The following SNX29 variants were observed in gnomAD, a reference collection of about 807,000 sequenced individuals.
SNX29 encodes sorting nexin 29, also known as sorting nexin-29.
SNX29 carries 78 observed loss-of-function variants against 102.1 expected under a neutral mutation model. The observed-to-expected ratio is 0.76, with a 90% confidence interval of 0.64 to 0.92. SNX29 has a LOEUF of 0.92. Ranked by LOEUF, SNX29 falls within the 40% of genes least tolerant of loss-of-function variation. SNX29 has a pLI of 0.00. For missense variants in SNX29, 1,280 were observed against 1,061.7 expected, an observed-to-expected ratio of 1.21 and a Z score of -2.86; for synonymous variants, 580 against 414.5, an observed-to-expected ratio of 1.40 and a Z score of -4.85.
intron 11 of SNX29, among the ~76,000 whole-genome samples, chr16:12,099,702 A>G (rs1196272670): frequency 6.6e-6 from 1 of 152,138 alleles, no homozygotes; most frequent in Non-Finnish European, 1.5e-5. Flanking sequence ...GACTTGCACC[A>G]GCCTGCTGTG....
intron 20 of SNX29, among the ~76,000 whole-genome samples, chr16:12,562,274 C>A (rs1598071807): frequency 6.6e-6 from 1 of 152,166 alleles, no homozygotes; most frequent in Admixed American, 6.5e-5. Context: ...CCCCATGGGC[C>A]ACGCTCTATC....
intron 13 of SNX29, 70 bp from the exon 14 acceptor site, chr16:12,199,531 C>A: frequency 2.2e-6 from 3 of 1,363,558 alleles, no homozygotes; most frequent in Admixed American, 2.0e-5. Flanking sequence ...CCACCCACCC[C>A]TGCCCCCTCC....
intron 20 of SNX29, among the ~76,000 whole-genome samples, chr16:12,544,702 C>CA (rs1355838202): frequency 3.9e-5 from 6 of 152,204 alleles, no homozygotes; most frequent in African/African-American, 1.4e-4. Context: ...TCTCTTCCTC[C>CA]ACCATCCCTT....
Position 12,180,731 on chromosome 16 carries a change from G to A in SNX29, c.1596-18870G>A, listed in dbSNP as rs2076364964. ...CGATCTCTTGACCTCATGATCCACC[G>A]GCCTCGGCCTCCCAAAGTGCTGGGA... On this transcript the variant is annotated intron_variant, in intron 13 of 20. Coordinates refer to ENST00000566228, the MANE Select transcript of SNX29 (RefSeq NM_032167.5). Among the ~76,000 whole-genome samples, 11 of 151,990 alleles carry A rather than the reference G, an allele frequency of 7.2e-5. 1 individual carries two copies. The highest frequency in any genetic ancestry group is 6.6e-4 in the Admixed American group (10 of 15,262).
chr16:12,549,093 G>C (rs1250809204), intron 20 of SNX29, among the ~76,000 whole-genome samples: 1 of 152,222 alleles, frequency 6.6e-6, no homozygotes, highest in African/African-American at 2.4e-5. Flanking sequence ...CCCTGTTACA[G>C]TGTCATTTCT....
intron 17 of SNX29, among the ~76,000 whole-genome samples, chr16:12,399,026 G>T (rs1285636011): frequency 3.3e-5 from 5 of 152,088 alleles, no homozygotes; most frequent in Non-Finnish European, 7.3e-5. Context: ...CCTCTGCTGA[G>T]CCACCCATAG....
intron 20 of SNX29, among the ~76,000 whole-genome samples, chr16:12,536,525 C>A (rs890779722): frequency 2.0e-5 from 3 of 152,136 alleles, no homozygotes; most frequent in Non-Finnish European, 2.9e-5. Flanking sequence ...CTCTATTTTC[C>A]CCTCTGTAAA....
chr16:12,321,127 C>T (rs2080917678), intron 15 of SNX29, among the ~76,000 whole-genome samples: 1 of 152,114 alleles, frequency 6.6e-6, no homozygotes, highest in African/African-American at 2.4e-5. Context: ...CCATGACTTC[C>T]AGAGTGTCCC....
At chr16:12,386,783 C>CA (rs1158765271) in intron 16 of SNX29, among the ~76,000 whole-genome samples, 21 of 151,944 alleles carry the variant, frequency 1.4e-4, no homozygotes, top group Non-Finnish European at 2.5e-4. Flanking sequence ...AAAAATTAAA[C>CA]AAAAAAAGGC....
chr16:12,463,817 AGTGTGTGTGTGTGTGTGTGTGT>A (rs143006476), intron 18 of SNX29, among the ~76,000 whole-genome samples: 1 of 143,270 alleles, frequency 7.0e-6, no homozygotes, highest in Non-Finnish European at 1.5e-5. Context: ...TCCCGAAGTG[AGTGTGTGTGTGTGTGTGTGTGT>A]GTGTGTGTGT....
At chr16:12,310,426 A>G (rs1175038823) in intron 15 of SNX29, among the ~76,000 whole-genome samples, 2 of 152,208 alleles carry the variant, frequency 1.3e-5, no homozygotes, top group East Asian at 1.9e-4. Flanking sequence ...GGCCATTGGC[A>G]GTGAAAAGAT....
intron 14 of SNX29, among the ~76,000 whole-genome samples, chr16:12,217,128 A>G (rs1215447792): frequency 6.6e-6 from 1 of 152,204 alleles, no homozygotes; most frequent in African/African-American, 2.4e-5. Flanking sequence ...TCCCAGGCTC[A>G]GGTGATTCTC....
At chr16:12,226,825 A>G (rs1474302136) in intron 14 of SNX29, among the ~76,000 whole-genome samples, 4 of 151,868 alleles carry the variant, frequency 2.6e-5, no homozygotes, top group African/African-American at 9.7e-5. Context: ...TTATCTGCCC[A>G]CCTTGGCCTC....
intron 14 of SNX29, among the ~76,000 whole-genome samples, chr16:12,244,810 G>C (rs924932111): frequency 6.6e-6 from 1 of 152,156 alleles, no homozygotes; most frequent in Non-Finnish European, 1.5e-5. Context: ...CCTGGTTAAT[G>C]CTCAAACACA....
chr16:12,089,443 G>A (rs1332355567), intron 11 of SNX29, among the ~76,000 whole-genome samples: 1 of 152,176 alleles, frequency 6.6e-6, no homozygotes, highest in Non-Finnish European at 1.5e-5. Context: ...TTTATATACT[G>A]ATGAACAAGA....
chr16:12,462,050 T>C (rs1426252678), intron 18 of SNX29, among the ~76,000 whole-genome samples: 59 of 125,712 alleles, frequency 4.7e-4, no homozygotes, highest in African/African-American at 1.8e-3. Flanking sequence ...CACACTCTTA[T>C]ATATGAGAAA....
intron 20 of SNX29, among the ~76,000 whole-genome samples, chr16:12,559,864 C>G (rs370394343): frequency 1.7e-3 from 263 of 152,208 alleles, no homozygotes; most frequent in African/African-American, 5.9e-3. Context: ...ATTTAAAATA[C>G]CAGATTTCAG....
intron 20 of SNX29, chr16:12,556,530 G>A (rs546536101): frequency 9.2e-5 from 14 of 152,448 alleles, no homozygotes; most frequent in African/African-American, 3.4e-4. Context: ...AAGTGACGAT[G>A]GGATTACAGC....
At chr16:12,060,605 A>G (rs1320851274) in intron 8 of SNX29, among the ~76,000 whole-genome samples, 1 of 152,222 alleles carries the variant, frequency 6.6e-6, no homozygotes, top group East Asian at 1.9e-4. Context: ...TCCAACTCTA[A>G]AACAAAACAA....
Sources: allele counts gnomAD v4.1 joint callset (sites outside exome capture counted in the v4.1 genomes callset), GRCh38; gene constraint gnomAD v4.1.1; transcripts MANE v1.5; gene names NCBI Gene and HGNC (gene_info 2026-07-23, HGNC 2026-07-21).